CYP2C19: variants seen among roughly 807,000 people sequenced by gnomAD.
CYP2C19 encodes cytochrome P450 family 2 subfamily C member 19.
CYP2C19 carries 59 observed loss-of-function variants against 40.9 expected under a neutral mutation model. The ratio of observed to expected loss-of-function variants is 1.44; its 90% CI spans 1.17 to 1.79. CYP2C19 has a LOEUF of 1.79. CYP2C19 is among the 40% of genes most tolerant of loss of function. The probability of loss-of-function intolerance (pLI) is 0.00; values close to 1 mark genes in which losing one functional copy is unlikely to be tolerated. For synonymous variants in CYP2C19, 253 were observed against 208.7 expected (o/e 1.21, Z -1.83); for missense variants, 754 against 596.9 (o/e 1.26, Z -2.74).
chr10:94,833,747 A>G (rs1179895282), intron 6 of CYP2C19, among the ~76,000 whole-genome samples: 2 of 152,246 alleles, frequency 1.3e-5, no homozygotes, highest in Non-Finnish European at 2.9e-5. Flanking sequence ...TTCAGCATCA[A>G]CTGAAATGAT....
chr10:94,778,431 A>G (rs1848439145), intron 3 of CYP2C19, among the ~76,000 whole-genome samples: 1 of 152,152 alleles, frequency 6.6e-6, no homozygotes, highest in East Asian at 1.9e-4. Flanking sequence ...GATCTCCTAC[A>G]AACAACCCCA....
intron 5 of CYP2C19, among the ~76,000 whole-genome samples, chr10:94,789,009 T>C (rs1229168552): frequency 1.3e-5 from 2 of 152,176 alleles, no homozygotes; most frequent in African/African-American, 4.8e-5. Context: ...CCAACATCTG[T>C]TGTTTCCTGA....
Position 94,765,764 on chromosome 10 carries a change from C to T in CYP2C19, c.168+2891C>T, listed in dbSNP as rs181985937. Among the ~76,000 whole-genome samples, 238 of 152,104 alleles carry T rather than the reference C, an allele frequency of 1.6e-3. 1 individual carries two copies. The highest frequency in any genetic ancestry group is 1.2e-3 in the Non-Finnish European group (81 of 68,002). ...GATGATATTTTGGGGCCCTGAGAAG[C>T]GGACAATCCATCTGGATAGAGCTGT... is the stretch of plus-strand genomic sequence containing the variant. On this transcript the variant is annotated intron_variant, in intron 1 of 8. Coordinates refer to ENST00000371321, the MANE Select transcript of CYP2C19 (RefSeq NM_000769.4).
At chr10:94,838,506 G>T (rs1455591519) in intron 6 of CYP2C19, among the ~76,000 whole-genome samples, 1 of 152,110 alleles carries the variant, frequency 6.6e-6, no homozygotes, top group African/African-American at 2.4e-5. Flanking sequence ...TTTGCTTTAA[G>T]TCTGAGAGAG....
intron 3 of CYP2C19, among the ~76,000 whole-genome samples, chr10:94,777,659 G>T (rs777040101): frequency 8.5e-5 from 13 of 152,156 alleles, no homozygotes; most frequent in African/African-American, 3.1e-4. Context: ...ACTCAAGATG[G>T]ATTGAAGACT....
At chr10:94,782,733 G>T (rs1848495437) in intron 5 of CYP2C19, among the ~76,000 whole-genome samples, 1 of 152,156 alleles carries the variant, frequency 6.6e-6, no homozygotes, top group Non-Finnish European at 1.5e-5. Flanking sequence ...ATGACAGACT[G>T]GATTAAGAAA....
At chr10:94,818,758 T>C (rs1400279721) in intron 5 of CYP2C19, among the ~76,000 whole-genome samples, 1 of 149,850 alleles carries the variant, frequency 6.7e-6, no homozygotes, top group South Asian at 2.1e-4. Flanking sequence ...GAGACTTTGC[T>C]GAAGTTGCTT....
intron 5 of CYP2C19, among the ~76,000 whole-genome samples, chr10:94,816,898 G>A (rs1038270407): frequency 6.9e-6 from 1 of 145,978 alleles, no homozygotes; most frequent in East Asian, 2.0e-4. Flanking sequence ...TCCCTACAAA[G>A]GATATGAACT....
chr10:94,841,094 C>A lies in CYP2C19; in HGVS notation c.962-1743C>A, dbSNP rs141384602. ...TGGTGGGCCACTTCCAAGATGGTGG[C>A]AAGCTTCGTGTTCTCTGACCTGGGG... On this transcript the variant is annotated intron_variant, in intron 6 of 8. Transcript: ENST00000371321. Among the ~76,000 whole-genome samples, 472 of 152,302 alleles carry A rather than the reference C, an allele frequency of 3.1e-3. 2 individuals are homozygous for A. Among genetic ancestry groups the A allele is most frequent in the African/African-American group, 0.011 (449 of 41,560 alleles).
rs17885098 is a variant in CYP2C19, at chr10:94,762,804, C to T, written c.99C>T (p.Pro33=). ...GGAGAGGAAAACTCCCTCCTGGCCC[C>T]ACTCCTCTCCCAGTGATTGGAAATA... is the stretch of plus-strand genomic sequence containing the variant. The part of the protein sequence containing the change: ...SSGRGKLPPG[P]TPLPVIGNIL... Residue 33 remains proline (P), a synonymous_variant, in exon 1 of 9, where the codon CCC becomes CCT. Coordinates refer to ENST00000371321, the MANE Select transcript of CYP2C19 (RefSeq NM_000769.4). 0.93 allele frequency: 1,496,921 copies of T among 1,613,676 alleles called. 694,973 individuals are homozygous for T. The highest frequency in any genetic ancestry group is 0.95 in the Admixed American group (57,242 of 59,998).
intron 5 of CYP2C19, among the ~76,000 whole-genome samples, chr10:94,805,790 A>G (rs1182675989): frequency 1.3e-5 from 2 of 152,232 alleles, no homozygotes; most frequent in Non-Finnish European, 1.5e-5. Context: ...ATTCATATTA[A>G]TAATTCCATG....
intron 5 of CYP2C19, among the ~76,000 whole-genome samples, chr10:94,789,604 C>T (rs893497267): frequency 3.3e-5 from 5 of 152,040 alleles, no homozygotes; most frequent in Admixed American, 6.6e-5. Context: ...AAAAGGGAAT[C>T]CTTCCCCTAT....
Position 94,803,171 on chromosome 10 carries a change from A to G in CYP2C19, c.820-17325A>G, listed in dbSNP as rs1277043425. 2.0e-5 allele frequency among the ~76,000 whole-genome samples: 3 copies of G among 152,148 alleles called. No individual in the cohort carries two copies. The East Asian group carries it at 5.8e-4, about 29-fold the overall frequency. ...AGAATTCTTATGCTGGTTTCTTCTT[A>G]TTTGGAGAGGCAACCCCTTCTGATT... On this transcript the variant is annotated intron_variant, in intron 5 of 8. Coordinates refer to ENST00000371321, the MANE Select transcript of CYP2C19 (RefSeq NM_000769.4).
Position 94,773,375 on chromosome 10 carries a change from C to T in CYP2C19, c.169-1683C>T, listed in dbSNP as rs538258964. On this transcript the variant is annotated intron_variant, in intron 1 of 8. Transcript: ENST00000371321. ...GTTCAGATGTGGCCAGAGTTTCTTC[C>T]TTCTGGTGGGTTCATGGTCTTGCTG... 3.1e-3 allele frequency among the ~76,000 whole-genome samples: 468 copies of T among 152,256 alleles called. 3 individuals carry two copies. Among genetic ancestry groups the T allele is most frequent in the African/African-American group, 0.011 (445 of 41,568 alleles).
chr10:94,850,950 A>G (rs184917601), intron 8 of CYP2C19, among the ~76,000 whole-genome samples: 1 of 152,206 alleles, frequency 6.6e-6, no homozygotes, highest in East Asian at 1.9e-4. Flanking sequence ...TGGTGATAGA[A>G]TCTCCTTCCT....
intron 5 of CYP2C19, among the ~76,000 whole-genome samples, chr10:94,808,196 T>C (rs1848861807): frequency 2.0e-5 from 3 of 152,134 alleles, no homozygotes; most frequent in African/African-American, 7.2e-5. Flanking sequence ...ATAATTTCTG[T>C]GTTCTCTGTT....
In CYP2C19 at chr10:94,786,635, C is replaced by T. The variant is rs146180919; in HGVS notation, c.819+4638C>T. 3.5e-3 allele frequency among the ~76,000 whole-genome samples: 529 copies of T among 152,220 alleles called. 2 individuals are homozygous for T. Among genetic ancestry groups the T allele is most frequent in the African/African-American group, 0.012 (479 of 41,564 alleles). Reference sequence around the variant, plus strand: ...GTTTAGGGTACAAATAATTTCATCACCCAGGTAGTGAGAATAGTACCCAAT... The same window carrying T: ...GTTTAGGGTACAAATAATTTCATCATCCAGGTAGTGAGAATAGTACCCAAT... On this transcript the variant is annotated intron_variant, in intron 5 of 8. Coordinates refer to ENST00000371321, the MANE Select transcript of CYP2C19 (RefSeq NM_000769.4).
intron 6 of CYP2C19, among the ~76,000 whole-genome samples, chr10:94,823,864 G>GGAA (rs1431578895): frequency 2.0e-5 from 3 of 152,250 alleles, no homozygotes; most frequent in Admixed American, 2.0e-4. Flanking sequence ...CCAGCAATCA[G>GGAA]ACCTCATATA....
intron 5 of CYP2C19, among the ~76,000 whole-genome samples, chr10:94,808,616 T>A (rs1848869476): frequency 6.6e-6 from 1 of 152,174 alleles, no homozygotes; most frequent in African/African-American, 2.4e-5. Flanking sequence ...TAACCATCTT[T>A]CTACCCTGTA....
Sources: allele counts gnomAD v4.1 joint callset (sites outside exome capture counted in the v4.1 genomes callset), GRCh38; gene constraint gnomAD v4.1.1; transcripts MANE v1.5; gene names NCBI Gene and HGNC (gene_info 2026-07-23, HGNC 2026-07-21).